The following MYO1B variants were observed in gnomAD, a reference collection of about 807,000 sequenced individuals.
MYO1B encodes unconventional myosin-Ib.
Under a neutral mutation model 159.7 loss-of-function variants are expected in MYO1B, and 72 were observed. The ratio of observed to expected loss-of-function variants is 0.45; its 90% confidence interval spans 0.37 to 0.55. The LOEUF (loss-of-function observed/expected upper bound fraction) is 0.55, where lower values mean the gene tolerates loss of function less well. Ranked by LOEUF, MYO1B falls within the 20% of genes least tolerant of loss-of-function variation. The pLI, the probability that MYO1B is intolerant of heterozygous loss-of-function variation, is 0.00. For missense variants in MYO1B, 1,062 were observed against 1,364.8 expected (o/e 0.78, Z 3.50); for synonymous variants, 468 against 473.8 (o/e 0.99, Z 0.16).
intron 4 of MYO1B, among the ~76,000 whole-genome samples, chr2:191,336,286 A>G (rs922181120): frequency 3.3e-5 from 5 of 152,142 alleles, no homozygotes; most frequent in Non-Finnish European, 5.9e-5. Context: ...AAATGACCTT[A>G]TGTATCTGCA....
At chr2:191,367,618 T>G (rs1397111932) in intron 11 of MYO1B, among the ~76,000 whole-genome samples, 1 of 152,224 alleles carries the variant, frequency 6.6e-6, no homozygotes, top group Admixed American at 6.5e-5. Context: ...GTTCAGTTGT[T>G]TATTGAAATA....
At chr2:191,246,195 T>G (rs776436831) in intron 1 of MYO1B, 1 of 152,062 alleles carries the variant, frequency 6.6e-6, no homozygotes, top group African/African-American at 2.4e-5. Flanking sequence ...GGGGTTGCCC[T>G]GGGTCTCGTT....
At chr2:191,359,438 C>T (rs937530888) in intron 7 of MYO1B, among the ~76,000 whole-genome samples, 10 of 151,744 alleles carry the variant, frequency 6.6e-5, no homozygotes, top group Admixed American at 2.6e-4. Context: ...CAGCATCCTG[C>T]GCCTAATAAT....
intron 20 of MYO1B, among the ~76,000 whole-genome samples, chr2:191,395,250 C>G (rs915301341): frequency 6.6e-6 from 1 of 152,146 alleles, no homozygotes; most frequent in African/African-American, 2.4e-5. Flanking sequence ...GGGGAGAATC[C>G]TAGAGATTTT....
At chr2:191,391,932 T>C (rs750122689) in intron 18 of MYO1B, among the ~76,000 whole-genome samples, 176 bp from the exon 19 acceptor site, 3 of 152,218 alleles carry the variant, frequency 2.0e-5, no homozygotes, top group African/African-American at 2.4e-5. Context: ...TTTCAGTGTT[T>C]ACTGGATTAA....
At chr2:191,266,061 C>A (rs1051490781) in intron 1 of MYO1B, among the ~76,000 whole-genome samples, 2 of 152,130 alleles carry the variant, frequency 1.3e-5, no homozygotes, top group Admixed American at 6.5e-5. Flanking sequence ...GGCAGCCATT[C>A]CTGCCATGAC....
chr2:191,405,029 A>C (rs1696830685), intron 24 of MYO1B, among the ~76,000 whole-genome samples: 1 of 152,186 alleles, frequency 6.6e-6, no homozygotes, highest in Non-Finnish European at 1.5e-5. Flanking sequence ...CATTTTACCC[A>C]GTGTAGAACT....
intron 13 of MYO1B, among the ~76,000 whole-genome samples, chr2:191,375,713 C>A (rs1694664990): frequency 6.6e-6 from 1 of 152,074 alleles, no homozygotes; most frequent in South Asian, 2.1e-4. Flanking sequence ...ATAATCCCAG[C>A]ACTTTGGGAG....
intron 4 of MYO1B, among the ~76,000 whole-genome samples, chr2:191,339,154 C>T (rs533589517): frequency 2.6e-4 from 39 of 152,174 alleles, no homozygotes; most frequent in African/African-American, 8.9e-4. Context: ...AGAGCTGCCC[C>T]AGTGCTGGAG....
rs1697569890 is a variant in MYO1B at position 191,416,437 on chromosome 2, GAGACCAGT to G, written c.3287+197_3287+204del. The G allele has an allele frequency of 8.0e-6, 5 of 624,500 alleles. No individual in the cohort carries two copies. In the South Asian group the frequency reaches 1.0e-4, roughly 13 times the overall value. The allele number at this position is 624,500 out of a possible 1,614,324, so 38.7% of individuals were successfully genotyped here. A position where few individuals can be genotyped will look rare whatever the true frequency, so the allele number is the denominator to read the frequency against. ...TCATGTACCTGACATCCTAGTGGAA[GAGACCAGT>G]ATGTACAAATAAAATGATGAAATAG... is the stretch of plus-strand genomic sequence containing the variant. On this transcript the variant is annotated intron_variant, in intron 30 of 30. Coordinates refer to ENST00000392318, the MANE Select transcript of MYO1B (RefSeq NM_001130158.3).
At chr2:191,387,753 TAAAA>T (rs1490503816) in intron 17 of MYO1B, 13 of 385,582 alleles carry the variant, frequency 3.4e-5, no homozygotes, top group African/African-American at 2.0e-4. Context: ...AATGGCAAGT[TAAAA>T]AACAAAATGC....
intron 1 of MYO1B, among the ~76,000 whole-genome samples, chr2:191,257,089 C>T (rs984265788): frequency 6.6e-6 from 1 of 152,160 alleles, no homozygotes; most frequent in Admixed American, 6.5e-5. Flanking sequence ...TCTTCTTTAC[C>T]TACTGTCATG....
chr2:191,306,273 A>T (rs1360246011), intron 3 of MYO1B, among the ~76,000 whole-genome samples: 2 of 152,128 alleles, frequency 1.3e-5, no homozygotes, highest in East Asian at 3.9e-4. Flanking sequence ...TGAGAGAAGA[A>T]TGTTCTAGGC....
intron 5 of MYO1B, among the ~76,000 whole-genome samples, chr2:191,344,915 T>C (rs1376409600): frequency 6.6e-6 from 1 of 151,728 alleles, no homozygotes; most frequent in Non-Finnish European, 1.5e-5. Context: ...GCTGCTGAAT[T>C]ACCGGAGTTA....
At chr2:191,404,021 C>G (rs1168752386) in intron 24 of MYO1B, among the ~76,000 whole-genome samples, 1 of 152,120 alleles carries the variant, frequency 6.6e-6, no homozygotes, top group Non-Finnish European at 1.5e-5. Flanking sequence ...TCCTCTCAGT[C>G]TCCAACAAAA....
chr2:191,345,150 C>A (rs1383811205), intron 5 of MYO1B, among the ~76,000 whole-genome samples: 2 of 152,154 alleles, frequency 1.3e-5, no homozygotes, highest in Non-Finnish European at 2.9e-5. Flanking sequence ...TGCCGTGTGG[C>A]CCCTGGATCC....
chr2:191,346,117 A>G lies in MYO1B; in HGVS notation c.452-119A>G, dbSNP rs1296673887. The G allele has an allele frequency of 1.0e-5, 8 of 799,460 alleles. No individual in the cohort carries two copies. In the Admixed American group the frequency reaches 2.7e-4, roughly 27 times the overall value. 49.5% of individuals were successfully genotyped at this position (799,460 alleles called of 1,614,324 possible). ...TTCTATGGAAGTTTTGGACAGAAAT[A>G]TCATTGCTACAAGTTGTATTTTCCA... On this transcript the variant is annotated intron_variant, in intron 5 of 30. Transcript: ENST00000392318.
chr2:191,305,178 G>A (rs1269158126), intron 3 of MYO1B, among the ~76,000 whole-genome samples: 2 of 152,190 alleles, frequency 1.3e-5, no homozygotes, highest in African/African-American at 2.4e-5. Context: ...AGGGGTGCTG[G>A]CCCCACCCTT....
chr2:191,414,522 A>T lies in MYO1B; in HGVS notation c.3012A>T (p.Thr1004=). The change falls in exon 29 of 31, where the codon ACA becomes ACT. Residue 1004 remains threonine (T), a synonymous_variant. Transcript: ENST00000392318. ...NKINRANGKS[T]SRIFLLTNNN... is the part of the protein sequence containing the mutation. ...TATTTTTTATTTTGATTTAGAGTAC[A>T]TCTCGGATTTTCCTCTTAACAAACA... The T allele has an allele frequency of 6.2e-7, 1 of 1,607,452 alleles. No individual in the cohort carries two copies. The highest frequency in any genetic ancestry group is 8.5e-7 in the Non-Finnish European group (1 of 1,177,730).
Sources: gnomAD v4.1 joint callset for allele counts (sites outside exome capture counted in the v4.1 genomes callset) on GRCh38, gnomAD v4.1.1 for gene constraint, MANE v1.5 for transcripts, NCBI Gene and HGNC (gene_info 2026-07-23, HGNC 2026-07-21) for gene names.